Variants in ADCK2 observed in about 807,000 individuals in gnomAD.
The protein encoded by ADCK2 is aarF domain containing kinase 2.
A neutral mutation model predicts 52.3 loss-of-function variants in ADCK2; 37 were observed. The ratio of observed to expected loss-of-function variants is 0.71; its 90% confidence interval spans 0.54 to 0.93. The LOEUF (loss-of-function observed/expected upper bound fraction) is 0.93. Among genes scored for constraint, ADCK2 ranks in the 40% least tolerant of loss-of-function variants. The probability of loss-of-function intolerance (pLI) is 0.00; values close to 1 mark genes in which losing one functional copy is unlikely to be tolerated. For synonymous variants in ADCK2, 321 were observed against 349.2 expected (o/e 0.92, Z 0.90); for missense variants, 695 against 798.7 (o/e 0.87, Z 1.56).
In ADCK2 at chr7:140,689,584, T is replaced by C. The variant is rs2130791082; in HGVS notation, c.1558-13T>C. 1.3e-6 allele frequency: 2 copies of C among 1,585,532 alleles called. No individual in the cohort carries two copies. Among genetic ancestry groups the C allele is most frequent in the East Asian group, 2.3e-5 (1 of 43,418 alleles). On this transcript the variant is annotated splice_polypyrimidine_tract_variant and intron_variant, in intron 5 of 7. Transcript: ENST00000072869. Reference sequence around the variant, plus strand: ...AGCTCCACTCCAAGTCCCTTTTCCGTTGCATTTTCCAGGGCCAGAGAGTGG... The same window carrying C: ...AGCTCCACTCCAAGTCCCTTTTCCGCTGCATTTTCCAGGGCCAGAGAGTGG...
At position 140,690,778 on chromosome 7, in the gene ADCK2, C is replaced by A; in HGVS notation, c.1705C>A (p.Leu569Ile). ...TTTCCAGCTTCATGTGTCCAGCCTTCTCTCTAGTGTCTTTAAGTTGCTGAT... is the reference window on the plus strand; with the variant it reads ...TTTCCAGCTTCATGTGTCCAGCCTTATCTCTAGTGTCTTTAAGTTGCTGAT... ...TLEKLHVSSL[L>I]SSVFKLLMTH... is the part of the protein sequence containing the mutation. Residue 569 changes from leucine (L) to isoleucine (I), a missense_variant, in exon 7 of 8, where the codon CTC (leucine) becomes ATC (isoleucine). Coordinates refer to ENST00000072869, the MANE Select transcript of ADCK2 (RefSeq NM_052853.4). The A allele has an allele frequency of 6.2e-7, 1 of 1,613,596 alleles. No individual in the cohort carries two copies. The highest frequency in any genetic ancestry group is 8.5e-7 in the Non-Finnish European group (1 of 1,179,918).
At chr7:140,689,508 G>A in intron 5 of ADCK2, 89 bp from the exon 6 acceptor site, 2 of 1,455,046 alleles carry the variant, frequency 1.4e-6, no homozygotes, top group Non-Finnish European at 1.9e-6. Flanking sequence ...AAGTCAGGGT[G>A]GAGCTGCTGA....
rs536787809 is a variant in ADCK2 at position 140,691,263 on chromosome 7, T to C, written c.1740+450T>C. 4.5e-4 allele frequency among the ~76,000 whole-genome samples: 68 copies of C among 152,340 alleles called. 1 individual carries two copies. The South Asian group carries it at 0.012, about 28-fold the overall frequency. The stretch of plus-strand genomic sequence containing the variant: ...TGAAAGCATTTTTAGTAACAAGCCA[T>C]TTGCAACAAGTGCTTCGTAGCTGTT... On this transcript the variant is annotated intron_variant, in intron 7 of 7. Coordinates refer to ENST00000072869, the MANE Select transcript of ADCK2 (RefSeq NM_052853.4).
intron 7 of ADCK2, 111 bp from the exon 8 acceptor site, chr7:140,694,552 C>T: frequency 9.8e-7 from 1 of 1,017,676 alleles, no homozygotes; most frequent in African/African-American, 1.6e-5. Flanking sequence ...TGGTAAACAT[C>T]CCGTGGGCAG....
At position 140,673,921 on chromosome 7, in the gene ADCK2, C is replaced by A. The variant is rs781749445; in HGVS notation, c.591C>A (p.Ile197=). ...CTTTTGGGGATGACTGGGGGAGCAT[C>A]CTCTCTTTTGAGAACCGGGAACCTG... ...RQAFGDDWGS[I]LSFENREPVG... is the part of the protein sequence containing the mutation. Residue 197 remains isoleucine, a synonymous_variant, in exon 1 of 8, where the codon ATC becomes ATA. Transcript: ENST00000072869. The surrounding 1 kb of genome is among the most constrained non-coding windows in gnomAD (Gnocchi z 6.4). 6.2e-7 allele frequency: 1 copy of A among 1,613,990 alleles called. No individual in the cohort carries two copies. The highest frequency in any genetic ancestry group is 1.1e-5 in the South Asian group (1 of 91,088).
Position 140,672,978 on chromosome 7 carries a change from G to A in ADCK2, c.-353G>A, listed in dbSNP as rs910392974. ...AGCGATCTCATACTGGCCCCTGGGC[G>A]CACGGTGACCCTGCGGCTGCCCGGC... On this transcript the variant is annotated 5_prime_UTR_variant, in exon 1 of 8. Transcript: ENST00000072869. 4.0e-5 allele frequency among the ~76,000 whole-genome samples: 6 copies of A among 150,860 alleles called. No homozygotes were observed. The highest frequency in any genetic ancestry group is 1.5e-4 in the African/African-American group (6 of 41,208).
intron 7 of ADCK2, among the ~76,000 whole-genome samples, chr7:140,692,069 A>G (rs1479146101): frequency 2.0e-5 from 3 of 152,202 alleles, no homozygotes; most frequent in Non-Finnish European, 2.9e-5. Context: ...ATTGTGATGA[A>G]AAACACATAA....
intron 3 of ADCK2, among the ~76,000 whole-genome samples, chr7:140,680,455 T>A (rs1794497067): frequency 7.3e-6 from 1 of 136,412 alleles, no homozygotes; most frequent in Middle Eastern, 3.8e-3. Context: ...ACCTGGGTAA[T>A]TTTTTTTTTT....
At chr7:140,681,327 T>C (rs545797800) in intron 4 of ADCK2, among the ~76,000 whole-genome samples, 190 bp downstream of exon 4, 1 of 151,882 alleles carries the variant, frequency 6.6e-6, no homozygotes, top group African/African-American at 2.4e-5. Flanking sequence ...CTTTTATTTT[T>C]TTTTTTTTGA....
chr7:140,680,691 G>A (rs1038350216), intron 3 of ADCK2, among the ~76,000 whole-genome samples: 4 of 152,140 alleles, frequency 2.6e-5, no homozygotes, highest in Non-Finnish European at 5.9e-5. Context: ...ATGTGTGGAT[G>A]ACAGATTTTT....
Position 140,683,054 on chromosome 7 carries a change from G to A in ADCK2, c.1305+1917G>A, listed in dbSNP as rs893363950. ...GCAGTGGCTCATGCCTGTAATCCCA[G>A]CACTTTGGGAGGCCGAGGCAGGTGG... On this transcript the variant is annotated intron_variant, in intron 4 of 7. Coordinates refer to ENST00000072869, the MANE Select transcript of ADCK2 (RefSeq NM_052853.4). 2.7e-5 allele frequency among the ~76,000 whole-genome samples: 4 copies of A among 147,124 alleles called. No individual in the cohort carries two copies. In the South Asian group the frequency reaches 8.8e-4, roughly 32 times the overall value.
chr7:140,685,264 CGT>C (rs1339860756), intron 4 of ADCK2, among the ~76,000 whole-genome samples: 14 of 152,096 alleles, frequency 9.2e-5, no homozygotes, highest in African/African-American at 3.1e-4. Flanking sequence ...GCCTGGCCAA[CGT>C]GGTGAAACCC....
Position 140,673,864 on chromosome 7 carries a change from G to C in ADCK2, c.534G>C (p.Pro178=), listed in dbSNP as rs1226948106. 3.1e-6 allele frequency: 5 copies of C among 1,614,050 alleles called. No individual in the cohort carries two copies. In the South Asian group the frequency reaches 5.5e-5, roughly 18 times the overall value. The change falls in exon 1 of 8, where the codon CCG becomes CCC. Residue 178 remains proline (P), a synonymous_variant. Coordinates refer to ENST00000072869, the MANE Select transcript of ADCK2 (RefSeq NM_052853.4). The surrounding 1 kb of genome is among the most constrained non-coding windows in gnomAD (Gnocchi z 6.4). ...SKLHVRVTPH[P]WTHTERFLRQ... Reference sequence around the variant, plus strand: ...TGCATGTCCGAGTGACGCCCCACCCGTGGACTCACACTGAGCGCTTCCTTC... The same window carrying C: ...TGCATGTCCGAGTGACGCCCCACCCCTGGACTCACACTGAGCGCTTCCTTC...
chr7:140,677,253 C>A (rs1286692041), intron 2 of ADCK2, among the ~76,000 whole-genome samples: 1 of 151,850 alleles, frequency 6.6e-6, no homozygotes, highest in Non-Finnish European at 1.5e-5. Context: ...ACTAAAAATA[C>A]AAAAATTAGC....
rs1236549786 is a variant in ADCK2 at position 140,674,182 on chromosome 7, T to C, written c.852T>C (p.Val284=). Residue 284 remains valine (V), a synonymous_variant, in exon 1 of 8, where the codon GTT becomes GTC. Coordinates refer to ENST00000072869, the MANE Select transcript of ADCK2 (RefSeq NM_052853.4). This position sits in a 1 kb window ranked among gnomAD's most constrained non-coding sequence, Gnocchi z 4.6. The part of the protein sequence containing the change: ...ERLLLPKADL[V]GSNAGVSRAQ... ...TGCTCCTCCCTAAAGCTGACCTGGT[T>C]GGATCAAATGCAGGGGTGTCTCGGG... The C allele has an allele frequency of 6.2e-7, 1 of 1,614,014 alleles. No homozygotes were observed. The highest frequency in any genetic ancestry group is 8.5e-7 in the Non-Finnish European group (1 of 1,180,016).
chr7:140,693,307 A>G lies in ADCK2; in HGVS notation c.1741-1356A>G, dbSNP rs1269711635. On this transcript the variant is annotated intron_variant, in intron 7 of 7. Transcript: ENST00000072869. The surrounding 1 kb of genome is among the most constrained non-coding windows in gnomAD (Gnocchi z 4.0). The stretch of plus-strand genomic sequence containing the variant: ...ACCCGGACCAGAGCCTGTGTGGCCA[A>G]TCTGCCAGGCTGGAACTCCACAAGC... 3.3e-5 allele frequency among the ~76,000 whole-genome samples: 5 copies of G among 152,218 alleles called. No individual in the cohort carries two copies. Among genetic ancestry groups the G allele is most frequent in the African/African-American group, 7.2e-5 (3 of 41,456 alleles).
intron 4 of ADCK2, among the ~76,000 whole-genome samples, chr7:140,686,047 C>G (rs1339793287): frequency 6.6e-6 from 1 of 152,180 alleles, no homozygotes; most frequent in African/African-American, 2.4e-5. Flanking sequence ...GGCACTTGCT[C>G]TCACACCTCA....
rs76105862 is a variant in ADCK2, at chr7:140,694,747, G to C, written c.1825G>C (p.Asp609His). The stretch of plus-strand genomic sequence containing the variant: ...TGGCCGCTCACTGGACCCCAAACTG[G>C]ACATCCTGGAGGCAGCGAGGCCCTT... ...GLGRSLDPKL[D>H]ILEAARPFLL... The change falls in exon 8 of 8, where the codon GAC becomes CAC. Residue 609 changes from aspartate (D) to histidine (H), a missense_variant. By Grantham distance (81) the Asp-to-His change is moderately conservative. Transcript: ENST00000072869. 4 of 1,614,114 alleles carry C rather than the reference G, an allele frequency of 2.5e-6. No individual in the cohort carries two copies. The East Asian group carries it at 8.9e-5, about 36-fold the overall frequency.
intron 5 of ADCK2, among the ~76,000 whole-genome samples, chr7:140,689,066 C>T (rs1794658464): frequency 6.6e-6 from 1 of 151,688 alleles, no homozygotes; most frequent in African/African-American, 2.4e-5. Flanking sequence ...CTCCCGGGTT[C>T]AAGTGATTCT....
Sources: gnomAD v4.1 joint callset for allele counts (sites outside exome capture counted in the v4.1 genomes callset) on GRCh38, gnomAD v4.1.1 for gene constraint, Gnocchi (gnomAD v3.1) non-coding constraint, MANE v1.5 for transcripts, NCBI Gene and HGNC (gene_info 2026-07-23, HGNC 2026-07-21) for gene names.